Variants in PLCL2 observed in about 807,000 individuals in gnomAD.
The protein encoded by PLCL2 is inactive phospholipase C-like protein 2.
In PLCL2, 4 loss-of-function variants were observed where a neutral mutation model predicts 79.6. That is an observed-to-expected ratio of 0.05 (90% CI 0.02 to 0.11). PLCL2 has a LOEUF of 0.11. Among genes scored for constraint, PLCL2 ranks in the 10% least tolerant of loss-of-function variants. PLCL2 has a pLI of 1.00. For synonymous variants in PLCL2, 484 were observed against 457.7 expected (o/e 1.06, Z -0.73); for missense variants, 895 against 1,291.0 (o/e 0.69, Z 4.70).
At chr3:16,968,799 G>A (rs1385107227) in intron 1 of PLCL2, among the ~76,000 whole-genome samples, 1 of 151,254 alleles carries the variant, frequency 6.6e-6, no homozygotes, top group African/African-American at 2.4e-5. Context: ...AGGAGTGGTG[G>A]GAATGAGTGT....
chr3:16,985,617 G>T (rs1445102332), intron 1 of PLCL2, among the ~76,000 whole-genome samples: 2 of 152,148 alleles, frequency 1.3e-5, no homozygotes, highest in East Asian at 3.8e-4. Flanking sequence ...TCTCCAAAAA[G>T]GGACTCTATG....
chr3:16,896,885 C>G (rs1037772801), intron 1 of PLCL2, among the ~76,000 whole-genome samples: 1 of 152,162 alleles, frequency 6.6e-6, no homozygotes, highest in Admixed American at 6.5e-5. Flanking sequence ...AATGTGAAGA[C>G]CCCACCTGGC....
intron 1 of PLCL2, among the ~76,000 whole-genome samples, chr3:16,955,520 T>C (rs966097507): frequency 6.6e-6 from 1 of 152,210 alleles, no homozygotes; most frequent in Admixed American, 6.5e-5. Flanking sequence ...GGCTCTTTTT[T>C]GGTTCCATAT....
intron 4 of PLCL2, among the ~76,000 whole-genome samples, chr3:17,057,919 G>T (rs903688725): frequency 1.3e-5 from 2 of 152,204 alleles, no homozygotes; most frequent in African/African-American, 4.8e-5. Flanking sequence ...GTCTGACCAG[G>T]AGCTGGAGAT....
chr3:16,959,045 G>T (rs1240658772), intron 1 of PLCL2, among the ~76,000 whole-genome samples: 2 of 152,154 alleles, frequency 1.3e-5, no homozygotes, highest in Non-Finnish European at 2.9e-5. Context: ...CAGAGCAAAG[G>T]ATGCCCCAAC....
chr3:17,031,541 G>A (rs1448501965), intron 3 of PLCL2, among the ~76,000 whole-genome samples: 1 of 152,164 alleles, frequency 6.6e-6, no homozygotes, highest in African/African-American at 2.4e-5. Context: ...GCTGAAAAGT[G>A]GCTGGGAGAG....
chr3:17,035,704 T>G lies in PLCL2; in HGVS notation c.3019-7170T>G, dbSNP rs2064641836. The G allele has an allele frequency of 6.1e-6, 3 of 492,130 alleles. No individual in the cohort carries two copies. The East Asian group carries it at 1.8e-4, about 30-fold the overall frequency. The allele number at this position is 492,130 out of a possible 1,614,324, so 30.5% of individuals were successfully genotyped here. On this transcript the variant is annotated intron_variant, in intron 3 of 5. Transcript: ENST00000615277. ...TTGTGATTAAATTCAAACTCTGCAG[T>G]GTAGAAGTTTATATCTTATCCAATC...
chr3:16,937,696 T>A (rs1697573466), intron 1 of PLCL2, among the ~76,000 whole-genome samples: 1 of 152,256 alleles, frequency 6.6e-6, no homozygotes, highest in Non-Finnish European at 1.5e-5. Flanking sequence ...CATATTTTAA[T>A]GACTCCAAGT....
intron 4 of PLCL2, among the ~76,000 whole-genome samples, chr3:17,050,013 C>A (rs1402110990): frequency 6.6e-6 from 1 of 152,166 alleles, no homozygotes; most frequent in East Asian, 1.9e-4. Flanking sequence ...GAATAGAGAA[C>A]CCAGAAAGAA....
chr3:16,886,852 G>T lies in PLCL2; in HGVS notation c.327+1486G>T, dbSNP rs1458931604. Among the ~76,000 whole-genome samples, 2 of 152,180 alleles carry T rather than the reference G, an allele frequency of 1.3e-5. No homozygotes were observed. Among genetic ancestry groups the T allele is most frequent in the Non-Finnish European group, 2.9e-5 (2 of 68,028 alleles). On this transcript the variant is annotated intron_variant, in intron 1 of 5. Coordinates refer to ENST00000615277, the MANE Select transcript of PLCL2 (RefSeq NM_001144382.2). The surrounding 1 kb of genome is among the most constrained non-coding windows in gnomAD (Gnocchi z 4.2). ...TTATTTGTCATAAAATATTTGTGGTGATTTTGCATTGTGGTGTTAATAAAA... is the reference window on the plus strand; with the variant it reads ...TTATTTGTCATAAAATATTTGTGGTTATTTTGCATTGTGGTGTTAATAAAA...
intron 1 of PLCL2, among the ~76,000 whole-genome samples, chr3:16,897,031 T>A (rs756107241): frequency 1.3e-5 from 2 of 152,082 alleles, no homozygotes; most frequent in African/African-American, 4.8e-5. Flanking sequence ...CTGTTAGATA[T>A]GAGAGAACAA....
chr3:16,933,825 T>A (rs919296027), intron 1 of PLCL2, among the ~76,000 whole-genome samples: 1 of 152,094 alleles, frequency 6.6e-6, no homozygotes, highest in South Asian at 2.1e-4. Context: ...CCCAGCTCTC[T>A]TGGAGGCTGA....
intron 1 of PLCL2, among the ~76,000 whole-genome samples, chr3:16,923,924 T>C (rs1697183952): frequency 6.6e-6 from 1 of 150,778 alleles, no homozygotes; most frequent in Middle Eastern, 3.4e-3. Flanking sequence ...ATTATACTTC[T>C]CAACTCCAGA....
At chr3:16,998,308 T>C (rs1394990373) in intron 1 of PLCL2, among the ~76,000 whole-genome samples, 4 of 152,246 alleles carry the variant, frequency 2.6e-5, no homozygotes, top group African/African-American at 4.8e-5. Flanking sequence ...TTTCGCATTA[T>C]GTGATTCAAC....
chr3:16,993,212 C>T (rs547316607), intron 1 of PLCL2, among the ~76,000 whole-genome samples: 4 of 152,256 alleles, frequency 2.6e-5, no homozygotes, highest in African/African-American at 9.6e-5. Flanking sequence ...TCAGTTTGCC[C>T]AGGGCAGTCC....
chr3:16,989,380 G>T (rs2064081754), intron 1 of PLCL2, among the ~76,000 whole-genome samples: 1 of 152,118 alleles, frequency 6.6e-6, no homozygotes, highest in Non-Finnish European at 1.5e-5. Flanking sequence ...TACACTAGCT[G>T]CTAGCCCCGC....
intron 5 of PLCL2, among the ~76,000 whole-genome samples, chr3:17,085,138 G>GA (rs56675312): frequency 0.014 from 2,088 of 150,154 alleles, 54 homozygotes; most frequent in African/African-American, 0.048. Context: ...CTTTTTTTAA[G>GA]AAAAAAAAAA....
intron 1 of PLCL2, among the ~76,000 whole-genome samples, chr3:16,913,328 G>T (rs1169006414): frequency 6.6e-6 from 1 of 151,056 alleles, no homozygotes; most frequent in Non-Finnish European, 1.5e-5. Context: ...TTACCCATTC[G>T]CTGGAAATTT....
intron 3 of PLCL2, among the ~76,000 whole-genome samples, chr3:17,031,121 T>TC (rs2064576575): frequency 6.6e-6 from 1 of 152,166 alleles, no homozygotes; most frequent in Non-Finnish European, 1.5e-5. Context: ...TTTAACCAGC[T>TC]CAAGTTCCCC....
Sources: allele counts gnomAD v4.1 joint callset (sites outside exome capture counted in the v4.1 genomes callset), GRCh38; gene constraint gnomAD v4.1.1; non-coding constraint Gnocchi (gnomAD v3.1); transcripts MANE v1.5; gene names NCBI Gene and HGNC (gene_info 2026-07-23, HGNC 2026-07-21).